The following FRY variants were observed in gnomAD, a reference collection of about 807,000 sequenced individuals.
FRY encodes the protein FRY microtubule binding protein.
FRY carries 128 observed loss-of-function variants against 348.4 expected under a neutral mutation model. The observed-to-expected ratio is 0.37, with a 90% CI of 0.32 to 0.43. The LOEUF is 0.43. Among genes scored for constraint, FRY ranks in the 20% least tolerant of loss-of-function variants. The pLI, the probability that FRY is intolerant of heterozygous loss-of-function variation, is 1.00. For synonymous variants in FRY, 1,370 were observed against 1,374.7 expected (o/e 1.00, Z 0.08); for missense variants, 2,736 against 3,695.2 (o/e 0.74, Z 6.73).
intron 58 of FRY, among the ~76,000 whole-genome samples, chr13:32,288,222 T>A (rs190601839): frequency 6.6e-6 from 1 of 152,362 alleles, no homozygotes; most frequent in African/African-American, 2.4e-5. Context: ...TTTTTATTTA[T>A]TTGCAAGTCT....
At chr13:32,169,189 C>T (rs1321763110) in intron 17 of FRY, among the ~76,000 whole-genome samples, 5 of 152,218 alleles carry the variant, frequency 3.3e-5, no homozygotes, top group African/African-American at 1.2e-4. Context: ...CAGGCCCTCA[C>T]CACTTGTTGC....
chr13:32,153,214 A>T (rs1473191701), intron 14 of FRY, among the ~76,000 whole-genome samples: 2 of 152,194 alleles, frequency 1.3e-5, no homozygotes, highest in Non-Finnish European at 1.5e-5. Flanking sequence ...TTCCTAGAGA[A>T]ATCAAAACAC....
intron 35 of FRY, among the ~76,000 whole-genome samples, chr13:32,213,069 G>A (rs1282523142): frequency 6.6e-6 from 1 of 152,126 alleles, no homozygotes; most frequent in Non-Finnish European, 1.5e-5. Context: ...CTTCAGCTGA[G>A]CATTTTATAG....
At chr13:32,037,568 C>T (rs936369698) in intron 1 of FRY, among the ~76,000 whole-genome samples, 1 of 152,168 alleles carries the variant, frequency 6.6e-6, no homozygotes, top group African/African-American at 2.4e-5. Flanking sequence ...TTGAATGCTG[C>T]TTGATGAAGT....
At chr13:32,243,698 G>A (rs1028868341) in intron 46 of FRY, among the ~76,000 whole-genome samples, 1 of 152,126 alleles carries the variant, frequency 6.6e-6, no homozygotes, top group Admixed American at 6.5e-5. Context: ...TTCCTCATGT[G>A]AATTTTATAC....
chr13:32,240,132 C>A (rs1886424544), intron 46 of FRY, among the ~76,000 whole-genome samples: 1 of 152,130 alleles, frequency 6.6e-6, no homozygotes, highest in African/African-American at 2.4e-5. Context: ...ATAGTGTGTG[C>A]CTATTAAATA....
At chr13:32,140,837 A>T (rs543228154) in intron 11 of FRY, among the ~76,000 whole-genome samples, 3 of 152,332 alleles carry the variant, frequency 2.0e-5, no homozygotes, top group East Asian at 3.9e-4. Flanking sequence ...TTCACATAAT[A>T]GTAAGTTTAT....
chr13:32,291,234 A>G (rs1351374690), intron 59 of FRY, among the ~76,000 whole-genome samples: 2 of 152,178 alleles, frequency 1.3e-5, no homozygotes, highest in African/African-American at 4.8e-5. Context: ...TCAGTTTGAA[A>G]AAAGGAAAAA....
chr13:32,075,679 T>G (rs1875002557), intron 1 of FRY, among the ~76,000 whole-genome samples: 1 of 152,198 alleles, frequency 6.6e-6, no homozygotes, highest in Admixed American at 6.5e-5. Context: ...TATTGAAAGG[T>G]GCCATGTCCT....
At chr13:32,157,510 T>A in intron 16 of FRY, 105 bp downstream of exon 16, 1 of 1,018,316 alleles carries the variant, frequency 9.8e-7, no homozygotes, top group Non-Finnish European at 1.4e-6. Flanking sequence ...CTTAGGGTTC[T>A]AAAAAGTAGT....
At chr13:32,221,524 T>C (rs1190899920) in intron 36 of FRY, among the ~76,000 whole-genome samples, 1 of 152,222 alleles carries the variant, frequency 6.6e-6, no homozygotes, top group Non-Finnish European at 1.5e-5. Flanking sequence ...ATTTTTATTA[T>C]TGTTTTTGAG....
rs750850962 is a variant in FRY, at chr13:32,261,771, G to A, written c.7572G>A (p.Glu2524=). The part of the protein sequence containing the change: ...MHHEDSDESS[E]EEDLTASQIL... ...ATGAGGACTCCGATGAATCATCCGA[G>A]GAGGAGGACCTCACAGCCAGCCAGA... The change falls in exon 52 of 61, where the codon GAG becomes GAA. Residue 2524 remains glutamate, a synonymous_variant. Coordinates refer to ENST00000542859, the MANE Select transcript of FRY (RefSeq NM_023037.3). 1.9e-6 allele frequency: 3 copies of A among 1,614,162 alleles called. No individual in the cohort carries two copies. The highest frequency in any genetic ancestry group is 2.2e-5 in the South Asian group (2 of 91,084).
At chr13:32,232,434 C>T (rs962503964) in intron 41 of FRY, among the ~76,000 whole-genome samples, 2 of 152,152 alleles carry the variant, frequency 1.3e-5, no homozygotes, top group East Asian at 1.9e-4. Flanking sequence ...TTAGTCAGGG[C>T]GGCATAGCTG....
chr13:32,233,215 G>A (rs1886015928), intron 41 of FRY, among the ~76,000 whole-genome samples: 1 of 151,982 alleles, frequency 6.6e-6, no homozygotes, highest in South Asian at 2.1e-4. Flanking sequence ...TTGTCCCTAG[G>A]GTCAAGTAGC....
chr13:32,260,441 A>T (rs1267805704), intron 51 of FRY, among the ~76,000 whole-genome samples: 2 of 152,234 alleles, frequency 1.3e-5, no homozygotes, highest in African/African-American at 4.8e-5. Flanking sequence ...ATTTCTAGAA[A>T]AAAAAAGTTA....
At chr13:32,187,722 A>T in intron 28 of FRY, 66 bp downstream of exon 28, 1 of 855,166 alleles carries the variant, frequency 1.2e-6, no homozygotes, top group South Asian at 1.3e-5. Flanking sequence ...TGAGTTACTG[A>T]GATGTGTAAG....
At chr13:32,262,687 G>C (rs1887721617) in intron 53 of FRY, among the ~76,000 whole-genome samples, 1 of 152,142 alleles carries the variant, frequency 6.6e-6, no homozygotes, top group Non-Finnish European at 1.5e-5. Flanking sequence ...CCATCTTCTT[G>C]GCTGAAAGAC....
chr13:32,169,565 C>T (rs1487464677), intron 17 of FRY, among the ~76,000 whole-genome samples: 2 of 152,122 alleles, frequency 1.3e-5, no homozygotes, highest in Non-Finnish European at 2.9e-5. Context: ...CATTCTGACT[C>T]CAGAGTACAC....
At chr13:32,088,657 T>G (rs1876048506) in intron 2 of FRY, among the ~76,000 whole-genome samples, 1 of 121,716 alleles carries the variant, frequency 8.2e-6, no homozygotes, top group Non-Finnish European at 1.9e-5. Context: ...GAAATGAAAT[T>G]TAATACACCA....
Sources: allele counts gnomAD v4.1 joint callset (sites outside exome capture counted in the v4.1 genomes callset), GRCh38; gene constraint gnomAD v4.1.1; transcripts MANE v1.5; gene names NCBI Gene and HGNC (gene_info 2026-07-23, HGNC 2026-07-21).